The following CDKL5 variants were observed in gnomAD, a reference collection of about 807,000 sequenced individuals.
The protein encoded by CDKL5 is cyclin dependent kinase like 5.
A neutral mutation model predicts 61.7 loss-of-function variants in CDKL5; 8 were observed. That is an observed-to-expected ratio of 0.13 (90% CI 0.08 to 0.23). The LOEUF is 0.23. CDKL5 is among the 10% of genes least tolerant of loss of function. The pLI is 1.00. For synonymous variants in CDKL5, 275 were observed against 272.3 expected, an observed-to-expected ratio of 1.01 and a Z score of -0.10; for missense variants, 440 against 734.5, an observed-to-expected ratio of 0.60 and a Z score of 4.63.
At chrX:18,444,705 C>T (rs996758728) in intron 1 of CDKL5, among the ~76,000 whole-genome samples, 1 of 112,534 alleles carries the variant, frequency 8.9e-6, no homozygotes, top group Non-Finnish European at 1.9e-5. Flanking sequence ...TTTAAATTTT[C>T]ATAAGAGCAT....
chrX:18,545,707 A>T (rs1235669519), intron 3 of CDKL5, among the ~76,000 whole-genome samples: 1 of 112,610 alleles, frequency 8.9e-6, no homozygotes, highest in African/African-American at 3.2e-5. Flanking sequence ...GAATGTGAAT[A>T]TAAATTTTCT....
chrX:18,601,664 T>C (rs1009321334), intron 11 of CDKL5, among the ~76,000 whole-genome samples: 6 of 112,486 alleles, frequency 5.3e-5, no homozygotes, highest in African/African-American at 1.9e-4. Flanking sequence ...TGTACACTTA[T>C]GGAAAACCTA....
chrX:18,613,013 T>C, intron 14 of CDKL5, 139 bp from the exon 15 acceptor site: 1 of 413,893 alleles, frequency 2.4e-6, no homozygotes, highest in South Asian at 3.1e-5. Context: ...GAGGATTGCT[T>C]GAGCCTGGGA....
chrX:18,510,269 C>T (rs1922780508), intron 2 of CDKL5, among the ~76,000 whole-genome samples: 1 of 111,732 alleles, frequency 8.9e-6, no homozygotes, highest in Non-Finnish European at 1.9e-5. Flanking sequence ...ATTCTCCTGC[C>T]TCAGCCTCCT....
intron 1 of CDKL5, among the ~76,000 whole-genome samples, chrX:18,487,872 C>T (rs1921847657): frequency 9.1e-6 from 1 of 110,227 alleles, no homozygotes; most frequent in Non-Finnish European, 1.9e-5. Flanking sequence ...GCCTAGATCC[C>T]CCTACTGCAC....
At chrX:18,598,717 C>CT in intron 11 of CDKL5, 104 bp downstream of exon 11, 1 of 767,439 alleles carries the variant, frequency 1.3e-6, no homozygotes, top group Non-Finnish European at 2.0e-6. Flanking sequence ...AAGGAAAGCC[C>CT]TCTTTATTCA....
At chrX:18,436,149 G>A (rs969319468) in intron 1 of CDKL5, among the ~76,000 whole-genome samples, 1 of 111,402 alleles carries the variant, frequency 9.0e-6, no homozygotes, top group Non-Finnish European at 1.9e-5. Flanking sequence ...AAAATCATAG[G>A]AAGAGAAAAG....
intron 11 of CDKL5, among the ~76,000 whole-genome samples, chrX:18,599,240 G>T (rs1172289905): frequency 8.9e-6 from 1 of 111,766 alleles, no homozygotes; most frequent in Non-Finnish European, 1.9e-5. Context: ...CAGGATTTGG[G>T]CCATACAATC....
intron 7 of CDKL5, among the ~76,000 whole-genome samples, chrX:18,582,685 A>C (rs1360253057): frequency 1.8e-5 from 2 of 111,124 alleles, no homozygotes; most frequent in East Asian, 5.6e-4. Context: ...TACAATGTAA[A>C]CCTCCACATA....
chrX:18,572,728 T>C (rs1170402846), intron 4 of CDKL5, among the ~76,000 whole-genome samples: 2 of 112,059 alleles, frequency 1.8e-5, no homozygotes, highest in South Asian at 3.7e-4. Flanking sequence ...GGCAGAGATT[T>C]CCTTATGGCC....
intron 1 of CDKL5, among the ~76,000 whole-genome samples, chrX:18,437,174 G>A (rs921012175): frequency 8.1e-5 from 9 of 111,518 alleles, no homozygotes; most frequent in African/African-American, 2.9e-4. Flanking sequence ...TCTCTGCAAA[G>A]TAAAATATTC....
rs140880316 is a variant in CDKL5 at position 18,616,820 on chromosome X, C to T, written c.2277-3047C>T. Reference sequence around the variant, plus strand: ...TCACACATTAGCTAACCACGCTTATCACATCGCCAGGGGAGGGGCAGGTGG... The same window carrying T: ...TCACACATTAGCTAACCACGCTTATTACATCGCCAGGGGAGGGGCAGGTGG... On this transcript the variant is annotated intron_variant, in intron 15 of 17. Coordinates refer to ENST00000623535, the MANE Select transcript of CDKL5 (RefSeq NM_001323289.2). 4.1e-3 allele frequency among the ~76,000 whole-genome samples: 456 copies of T among 111,233 alleles called. 3 individuals carry two copies. Among genetic ancestry groups the T allele is most frequent in the African/African-American group, 0.015 (449 of 30,540 alleles).
chrX:18,614,668 G>A (rs1193245232), intron 15 of CDKL5, among the ~76,000 whole-genome samples: 1 of 112,529 alleles, frequency 8.9e-6, no homozygotes, highest in Non-Finnish European at 1.9e-5. Context: ...ATAAACTTTG[G>A]TGTTCTTTCT....
chrX:18,459,089 A>G (rs906355654), intron 1 of CDKL5, among the ~76,000 whole-genome samples: 1 of 112,659 alleles, frequency 8.9e-6, no homozygotes, highest in African/African-American at 3.2e-5. Flanking sequence ...AATAGTTTAG[A>G]TAAAAAGGGG....
intron 3 of CDKL5, among the ~76,000 whole-genome samples, chrX:18,551,821 G>C (rs1187006699): frequency 9.3e-6 from 1 of 107,807 alleles, no homozygotes; most frequent in Non-Finnish European, 1.9e-5. Flanking sequence ...TTGAACTCCT[G>C]GGCTCAAGCG....
At position 18,518,385 on chromosome X, in the gene CDKL5, C is replaced by CTTTTTTTTTTTTTTTTTTTTTTTTTT. The variant is rs1195931109; in HGVS notation, c.99+7533_99+7534insTTTTTTTTTTTTTTTTTTTTTTTTTT. On this transcript the variant is annotated intron_variant, in intron 3 of 17. Transcript: ENST00000623535. ...ATAAAGTCATGTTTTCTTTTCTTTT[C>CTTTTTTTTTTTTTTTTTTTTTTTTTT]TTATTTTTTTTTTTTTTTTTTTTTT... 1.3e-4 allele frequency among the ~76,000 whole-genome samples: 3 copies of CTTTTTTTTTTTTTTTTTTTTTTTTTT among 22,786 alleles called. 1 individual carries two copies. Among genetic ancestry groups the CTTTTTTTTTTTTTTTTTTTTTTTTTT allele is most frequent in the African/African-American group, 4.6e-4 (3 of 6,582 alleles). 19.8% of individuals were successfully genotyped at this position (22,786 alleles called of 115,157 possible).
chrX:18,518,284 G>T (rs749787973), intron 3 of CDKL5, among the ~76,000 whole-genome samples: 24 of 104,492 alleles, frequency 2.3e-4, no homozygotes, highest in Non-Finnish European at 4.3e-4. Context: ...CAGGCACTTA[G>T]CTAGGCACTG....
intron 3 of CDKL5, among the ~76,000 whole-genome samples, chrX:18,515,654 G>T (rs1235229404): frequency 9.0e-6 from 1 of 110,787 alleles, no homozygotes; most frequent in African/African-American, 3.3e-5. Flanking sequence ...AGTTTGGGGG[G>T]AGAAATAATG....
At chrX:18,447,675 T>A (rs897145605) in intron 1 of CDKL5, among the ~76,000 whole-genome samples, 3 of 110,951 alleles carry the variant, frequency 2.7e-5, no homozygotes, top group Admixed American at 1.9e-4. Flanking sequence ...TTTCCCTCCC[T>A]CCTGTGTGGG....
Sources: gnomAD v4.1 joint callset for allele counts (sites outside exome capture counted in the v4.1 genomes callset) on GRCh38, gnomAD v4.1.1 for gene constraint, MANE v1.5 for transcripts, NCBI Gene and HGNC (gene_info 2026-07-23, HGNC 2026-07-21) for gene names.